PTPRD: variants seen among roughly 807,000 people sequenced by gnomAD.
PTPRD encodes the protein protein tyrosine phosphatase receptor type D.
Under a neutral mutation model 214.5 loss-of-function variants are expected in PTPRD, and 34 were observed. The ratio of observed to expected loss-of-function variants is 0.16; its 90% confidence interval spans 0.12 to 0.21. The LOEUF (loss-of-function observed/expected upper bound fraction) is 0.21, where lower values mean the gene tolerates loss of function less well. Among genes scored for constraint, PTPRD ranks in the 10% least tolerant of loss-of-function variants. The probability of loss-of-function intolerance (pLI) is 1.00; values close to 1 mark genes in which losing one functional copy is unlikely to be tolerated. For synonymous variants in PTPRD, 1,128 were observed against 845.7 expected (o/e 1.33, Z -5.79); for missense variants, 2,545 against 2,398.7 (o/e 1.06, Z -1.27).
chr9:9,604,725 AG>A (rs910616230), intron 7 of PTPRD, among the ~76,000 whole-genome samples: 2 of 152,036 alleles, frequency 1.3e-5, no homozygotes, highest in Non-Finnish European at 2.9e-5. Context: ...CAAATTTAAA[AG>A]GGTATTTGTT....
rs767711118 is a variant in PTPRD at position 9,831,206 on chromosome 9, T to G, written c.-367-64355A>C. 2.6e-5 allele frequency among the ~76,000 whole-genome samples: 4 copies of G among 151,902 alleles called. No homozygotes were observed. The East Asian group carries it at 7.8e-4, about 29-fold the overall frequency. On this transcript the variant is annotated intron_variant, in intron 5 of 45. Transcript: ENST00000381196. Reference sequence around the variant, plus strand: ...GTATGTTAAAATGCACTGGATAGCATAAATACAGTGAACGACACACACTTC... The same window carrying G: ...GTATGTTAAAATGCACTGGATAGCAGAAATACAGTGAACGACACACACTTC...
chr9:8,421,374 C>CTTCTCTTCTCTTCTCTTCTCT (rs202043112), intron 35 of PTPRD, among the ~76,000 whole-genome samples: 1 of 149,614 alleles, frequency 6.7e-6, no homozygotes, highest in Non-Finnish European at 1.5e-5. Flanking sequence ...CTTCTCTTCT[C>CTTCTCTTCTCTTCTCTTCTCT]TCTCTCTCTC....
chr9:10,579,775 AT>A (rs1421904302), intron 2 of PTPRD, among the ~76,000 whole-genome samples: 1 of 152,030 alleles, frequency 6.6e-6, no homozygotes. Context: ...AATATCTAAT[AT>A]TTTTTGATAT....
chr9:9,167,977 G>A (rs1293708326), intron 10 of PTPRD, among the ~76,000 whole-genome samples: 1 of 152,132 alleles, frequency 6.6e-6, no homozygotes, highest in Non-Finnish European at 1.5e-5. Flanking sequence ...GGGTCCTTCT[G>A]TGGAGTAGAT....
intron 12 of PTPRD, among the ~76,000 whole-genome samples, chr9:8,716,500 T>C (rs1311888184): frequency 6.6e-6 from 1 of 152,142 alleles, no homozygotes; most frequent in Non-Finnish European, 1.5e-5. Context: ...AAACTGCTGG[T>C]ATTGAGAAAT....
At chr9:8,620,515 G>T (rs2095787947) in intron 14 of PTPRD, among the ~76,000 whole-genome samples, 1 of 152,024 alleles carries the variant, frequency 6.6e-6, no homozygotes, top group African/African-American at 2.4e-5. Flanking sequence ...CATCAGTGAT[G>T]GTGGTGGTGG....
intron 5 of PTPRD, among the ~76,000 whole-genome samples, chr9:9,929,440 C>G (rs149146370): frequency 6.6e-6 from 1 of 152,162 alleles, no homozygotes; most frequent in Admixed American, 6.5e-5. Flanking sequence ...TGTCACCAGG[C>G]TGAAGTGCAG....
At chr9:8,646,590 CA>C (rs2096697646) in intron 12 of PTPRD, among the ~76,000 whole-genome samples, 1 of 152,108 alleles carries the variant, frequency 6.6e-6, no homozygotes, top group Non-Finnish European at 1.5e-5. Context: ...CCACATTTTT[CA>C]ATTCTAAATT....
At chr9:9,952,876 T>C (rs1484424033) in intron 4 of PTPRD, among the ~76,000 whole-genome samples, 2 of 152,178 alleles carry the variant, frequency 1.3e-5, no homozygotes, top group Non-Finnish European at 2.9e-5. Context: ...ATCTGGCTGC[T>C]ATTTCCCTTA....
chr9:8,923,331 C>T (rs756333869), intron 11 of PTPRD, among the ~76,000 whole-genome samples: 3 of 152,050 alleles, frequency 2.0e-5, no homozygotes, highest in East Asian at 1.9e-4. Context: ...CATGAGCCAC[C>T]GCGCCTGGCC....
At chr9:10,612,208 CAAAAAAAAAA>C (rs35311745) in intron 2 of PTPRD, among the ~76,000 whole-genome samples, 180 bp downstream of exon 2, 1 of 126,762 alleles carries the variant, frequency 7.9e-6, no homozygotes, top group African/African-American at 3.0e-5. Flanking sequence ...AGGGCTCTTC[CAAAAAAAAAA>C]AAAAAAGAAA....
chr9:8,392,374 A>C (rs2089894362), intron 36 of PTPRD, among the ~76,000 whole-genome samples: 1 of 151,954 alleles, frequency 6.6e-6, no homozygotes, highest in Non-Finnish European at 1.5e-5. Flanking sequence ...AAACACTAAA[A>C]ACTTGGCTGG....
At chr9:9,164,889 C>T (rs1032609019) in intron 10 of PTPRD, among the ~76,000 whole-genome samples, 1 of 130,100 alleles carries the variant, frequency 7.7e-6, no homozygotes, top group Non-Finnish European at 1.7e-5. Context: ...ACAAAACAAA[C>T]AAACCAACCA....
intron 9 of PTPRD, among the ~76,000 whole-genome samples, chr9:9,197,772 C>A (rs1257540072): frequency 1.3e-5 from 2 of 152,196 alleles, no homozygotes; most frequent in Non-Finnish European, 2.9e-5. Context: ...CCTGTCAACA[C>A]TCCTTTCATG....
chr9:9,895,317 G>A (rs184741656), intron 5 of PTPRD, among the ~76,000 whole-genome samples: 47 of 149,386 alleles, frequency 3.1e-4, no homozygotes, highest in African/African-American at 1.2e-3. Flanking sequence ...TGGGAAGGGG[G>A]AAGAATTCTA....
intron 3 of PTPRD, among the ~76,000 whole-genome samples, chr9:10,116,904 G>A (rs1563919015): frequency 6.6e-6 from 1 of 151,946 alleles, no homozygotes; most frequent in Non-Finnish European, 1.5e-5. Context: ...TATGCATAAT[G>A]TACTCATCTG....
At chr9:9,435,482 C>T (rs148350797) in intron 8 of PTPRD, among the ~76,000 whole-genome samples, 1,830 of 152,248 alleles carry the variant, frequency 0.012, 22 homozygotes, top group African/African-American at 0.033. Context: ...TGCCACCACA[C>T]TCCAGCCTGG....
At chr9:9,230,928 C>T (rs779761342) in intron 9 of PTPRD, among the ~76,000 whole-genome samples, 5 of 152,200 alleles carry the variant, frequency 3.3e-5, no homozygotes, top group East Asian at 1.9e-4. Flanking sequence ...AGATTTTTAT[C>T]GCTTTATAGT....
chr9:8,994,782 T>G (rs1281342871), intron 11 of PTPRD, among the ~76,000 whole-genome samples: 1 of 152,056 alleles, frequency 6.6e-6, no homozygotes, highest in Non-Finnish European at 1.5e-5. Flanking sequence ...TTTGGAAAGG[T>G]AGCACAAGCC....
Sources: gnomAD v4.1 joint callset for allele counts (sites outside exome capture counted in the v4.1 genomes callset) on GRCh38, gnomAD v4.1.1 for gene constraint, MANE v1.5 for transcripts, NCBI Gene and HGNC (gene_info 2026-07-23, HGNC 2026-07-21) for gene names.